The following WIPF1 variants were observed in gnomAD, a reference collection of about 807,000 sequenced individuals.
WIPF1 encodes WAS/WASL interacting protein family member 1, also known as WAS/WASL-interacting protein family member 1.
In WIPF1, 13 loss-of-function variants were observed where a neutral mutation model predicts 35.4. That is an observed-to-expected ratio of 0.37 (90% CI 0.24 to 0.58). WIPF1 has a LOEUF of 0.58. Ranked by LOEUF, WIPF1 falls within the 20% of genes least tolerant of loss-of-function variation. The pLI is 0.74. For synonymous variants in WIPF1, 267 were observed against 266.3 expected (o/e 1.00, Z -0.02); for missense variants, 591 against 667.0 (o/e 0.89, Z 1.25).
At chr2:174,595,708 AG>A (rs1457474343) in intron 1 of WIPF1, among the ~76,000 whole-genome samples, 1 of 152,198 alleles carries the variant, frequency 6.6e-6, no homozygotes, top group African/African-American at 2.4e-5. Flanking sequence ...TGAATGGTGA[AG>A]GGAGATGTGT....
rs949026446 is a variant in WIPF1 at position 174,572,295 on chromosome 2, C to T, written c.510G>A (p.Pro170=). 5.6e-6 allele frequency: 9 copies of T among 1,613,850 alleles called. No homozygotes were observed. The Admixed American group carries it at 6.7e-5, about 12-fold the overall frequency. Residue 170 remains proline, a synonymous_variant, in exon 5 of 8, where the codon CCG becomes CCA. Coordinates refer to ENST00000679041, the MANE Select transcript of WIPF1 (RefSeq NM_001375834.1). ...GPPEPQRNRM[P]PPRPDVGSKP... Reference sequence around the variant, plus strand: ...TTGAGCCCACGTCGGGCCTTGGGGGCGGCATTCGGTTCCTCTGAGGCTCTG... The same window carrying T: ...TTGAGCCCACGTCGGGCCTTGGGGGTGGCATTCGGTTCCTCTGAGGCTCTG...
At chr2:174,627,877 C>T (rs1185648738) in intron 1 of WIPF1, among the ~76,000 whole-genome samples, 1 of 152,106 alleles carries the variant, frequency 6.6e-6, no homozygotes, top group Non-Finnish European at 1.5e-5. Flanking sequence ...TAGCAGGACC[C>T]ATGTATTACA....
At chr2:174,610,050 C>G (rs1320969918) in intron 1 of WIPF1, among the ~76,000 whole-genome samples, 1 of 152,338 alleles carries the variant, frequency 6.6e-6, no homozygotes, top group East Asian at 1.9e-4. Flanking sequence ...TCCTCTCATT[C>G]AGCTTCTCTG....
chr2:174,642,627 A>G (rs1214235922), intron 1 of WIPF1, among the ~76,000 whole-genome samples: 1,466 of 145,562 alleles, frequency 0.01, 51 homozygotes, highest in African/African-American at 0.038. Context: ...GATTACAGGC[A>G]TGAGCCGCCG....
At chr2:174,614,410 CAA>C (rs1686445349) in intron 1 of WIPF1, among the ~76,000 whole-genome samples, 1 of 151,926 alleles carries the variant, frequency 6.6e-6, no homozygotes, top group South Asian at 2.1e-4. Context: ...GAGGAGTAAA[CAA>C]AGAGAACAGT....
intron 1 of WIPF1, among the ~76,000 whole-genome samples, chr2:174,663,653 G>A (rs943328385): frequency 6.6e-6 from 1 of 152,210 alleles, no homozygotes; most frequent in African/African-American, 2.4e-5. Flanking sequence ...TTGCACGAGG[G>A]ATTCCAGATA....
rs376965787 is a variant in WIPF1 at position 174,567,188 on chromosome 2, G to A, written c.1343-5C>T. 2.5e-6 allele frequency: 4 copies of A among 1,613,056 alleles called. No homozygotes were observed. The African/African-American group carries it at 5.3e-5, about 22-fold the overall frequency. On this transcript the variant is annotated splice_region_variant and splice_polypyrimidine_tract_variant and intron_variant, in intron 6 of 7. Transcript: ENST00000679041. ...AGAATCTGCTTTCCCACTCATCTGG[G>A]AAGAGAAACAAGCAGTATCTTCAGT...
chr2:174,575,861 A>C (rs1425945248), intron 3 of WIPF1, among the ~76,000 whole-genome samples: 2 of 152,134 alleles, frequency 1.3e-5, no homozygotes, highest in African/African-American at 4.8e-5. Flanking sequence ...TCTTCAAAGA[A>C]AGAGGGTCGC....
At chr2:174,592,985 GGTTA>G (rs1685670269) in intron 1 of WIPF1, among the ~76,000 whole-genome samples, 1 of 151,710 alleles carries the variant, frequency 6.6e-6, no homozygotes, top group Non-Finnish European at 1.5e-5. Flanking sequence ...GGCATCTTCA[GGTTA>G]GTTTTTTGTT....
chr2:174,627,232 T>C (rs1389990798), intron 1 of WIPF1, among the ~76,000 whole-genome samples: 1 of 152,212 alleles, frequency 6.6e-6, no homozygotes. Context: ...TCACCTAGTA[T>C]TTTTTAGATT....
intron 1 of WIPF1, among the ~76,000 whole-genome samples, chr2:174,663,500 C>T (rs1357453623): frequency 6.6e-6 from 1 of 151,402 alleles, no homozygotes; most frequent in African/African-American, 2.4e-5. Flanking sequence ...TGCAAGTTTC[C>T]TCAGGCCTGA....
intron 1 of WIPF1, among the ~76,000 whole-genome samples, chr2:174,667,983 T>A (rs541979329): frequency 3.9e-5 from 6 of 152,122 alleles, no homozygotes; most frequent in South Asian, 4.1e-4. Context: ...GGCTGTGCAG[T>A]GCAAACTCTA....
chr2:174,617,248 G>C (rs541832972), intron 1 of WIPF1, among the ~76,000 whole-genome samples: 129 of 152,312 alleles, frequency 8.5e-4, no homozygotes, highest in African/African-American at 3.0e-3. Flanking sequence ...GGTGGCACCA[G>C]TCAGTCATCC....
At chr2:174,636,487 G>C (rs1442596571) in intron 1 of WIPF1, among the ~76,000 whole-genome samples, 1 of 152,148 alleles carries the variant, frequency 6.6e-6, no homozygotes, top group African/African-American at 2.4e-5. Flanking sequence ...CTTAAATTTA[G>C]TATGATACAT....
chr2:174,621,109 T>C (rs972292285), intron 1 of WIPF1, among the ~76,000 whole-genome samples: 2 of 152,178 alleles, frequency 1.3e-5, no homozygotes, highest in African/African-American at 4.8e-5. Flanking sequence ...CTAATGGCAG[T>C]ACGGGGAAGG....
chr2:174,621,586 AG>A (rs752489354), intron 1 of WIPF1, among the ~76,000 whole-genome samples: 39 of 152,268 alleles, frequency 2.6e-4, no homozygotes, highest in Non-Finnish European at 4.0e-4. Context: ...ATACAATGCA[AG>A]CCCCATGCAT....
In WIPF1 at chr2:174,560,907, C is replaced by T. The variant is rs907834551; in HGVS notation, c.*1640G>A. ...TGGGTTGGTTTCTTGGTAGCATCTC[C>T]CAGTAATACATGAATAACATACTGA... On this transcript the variant is annotated 3_prime_UTR_variant, in exon 8 of 8. Coordinates refer to ENST00000679041, the MANE Select transcript of WIPF1 (RefSeq NM_001375834.1). The T allele has an allele frequency of 6.6e-6, 1 of 152,338 alleles. No homozygotes were observed. The highest frequency in any genetic ancestry group is 1.5e-5 in the Non-Finnish European group (1 of 67,988). 9.4% of individuals were successfully genotyped at this position (152,338 alleles called of 1,614,324 possible).
At position 174,571,644 on chromosome 2, in the gene WIPF1, T is replaced by C. The variant is rs1684843752; in HGVS notation, c.1129+32A>G. On this transcript the variant is annotated intron_variant, in intron 5 of 7. Coordinates refer to ENST00000679041, the MANE Select transcript of WIPF1 (RefSeq NM_001375834.1). The surrounding 1 kb of genome is among the most constrained non-coding windows in gnomAD (Gnocchi z 4.6). ...TTGGTACATTTGGGCAGGCTGGGTTTTGGAAGCAACTCACTCCACGTCTTG... is the reference window on the plus strand; with the variant it reads ...TTGGTACATTTGGGCAGGCTGGGTTCTGGAAGCAACTCACTCCACGTCTTG... 3.1e-6 allele frequency: 5 copies of C among 1,614,106 alleles called. No homozygotes were observed. The highest frequency in any genetic ancestry group is 3.4e-6 in the Non-Finnish European group (4 of 1,180,014).
chr2:174,603,506 T>C (rs1686068068), intron 1 of WIPF1, among the ~76,000 whole-genome samples: 1 of 152,218 alleles, frequency 6.6e-6, no homozygotes, highest in African/African-American at 2.4e-5. Context: ...CTGCCACCTA[T>C]TGACTCCTCG....
Sources: allele counts gnomAD v4.1 joint callset (sites outside exome capture counted in the v4.1 genomes callset), GRCh38; gene constraint gnomAD v4.1.1; non-coding constraint Gnocchi (gnomAD v3.1); transcripts MANE v1.5; gene names NCBI Gene and HGNC (gene_info 2026-07-23, HGNC 2026-07-21).